KCNT2: variants seen among roughly 807,000 people sequenced by gnomAD.
KCNT2 encodes the protein potassium sodium-activated channel subfamily T member 2.
KCNT2 carries 67 observed loss-of-function variants against 153.8 expected under a neutral mutation model. That is an observed-to-expected ratio of 0.44 (90% confidence interval 0.36 to 0.53). The LOEUF (loss-of-function observed/expected upper bound fraction) is 0.53. Among genes scored for constraint, KCNT2 ranks in the 20% least tolerant of loss-of-function variants. The probability of loss-of-function intolerance (pLI) is 0.00; values close to 1 mark genes in which losing one functional copy is unlikely to be tolerated. For missense variants in KCNT2, 975 were observed against 1,354.8 expected (o/e 0.72, Z 4.40); for synonymous variants, 500 against 458.8 (o/e 1.09, Z -1.15).
chr1:196,607,444 A>G (rs1665441396), intron 1 of KCNT2, among the ~76,000 whole-genome samples: 1 of 152,252 alleles, frequency 6.6e-6, no homozygotes, highest in Non-Finnish European at 1.5e-5. Context: ...TGCTATAAAT[A>G]AAACACATGA....
At chr1:196,338,948 C>CAAAAAAAA (rs976388530) in intron 16 of KCNT2, among the ~76,000 whole-genome samples, 1 of 37,730 alleles carries the variant, frequency 2.7e-5, no homozygotes, top group Non-Finnish European at 5.6e-5. Context: ...TGCTTTTTAG[C>CAAAAAAAA]AAAAAAAAAA....
intron 1 of KCNT2, among the ~76,000 whole-genome samples, chr1:196,513,941 A>C: frequency 6.6e-6 from 1 of 152,230 alleles, no homozygotes; most frequent in Middle Eastern, 3.2e-3. Context: ...GCAAAGTAGA[A>C]GCCTCTACGC....
At chr1:196,563,055 T>C (rs568235344) in intron 1 of KCNT2, among the ~76,000 whole-genome samples, 3 of 152,038 alleles carry the variant, frequency 2.0e-5, no homozygotes, top group African/African-American at 7.2e-5. Flanking sequence ...CATGTAAGAA[T>C]AGTAATTACT....
intron 26 of KCNT2, 119 bp from the exon 27 acceptor site, chr1:196,236,189 C>A: frequency 1.5e-6 from 1 of 669,156 alleles, no homozygotes. Flanking sequence ...ATAGTTTTGT[C>A]CACAGCATGA....
chr1:196,446,674 C>A (rs1323664805), intron 8 of KCNT2, among the ~76,000 whole-genome samples: 3 of 151,492 alleles, frequency 2.0e-5, no homozygotes, highest in South Asian at 2.1e-4. Flanking sequence ...AGGAAGAGAG[C>A]CAGTTACCTA....
At chr1:196,348,603 T>C (rs578043199) in intron 14 of KCNT2, among the ~76,000 whole-genome samples, 2 of 152,276 alleles carry the variant, frequency 1.3e-5, no homozygotes, top group African/African-American at 4.8e-5. Context: ...TTCAAAATCA[T>C]TGCTAGCTAC....
At chr1:196,346,486 C>G (rs2148187550) in intron 14 of KCNT2, among the ~76,000 whole-genome samples, 1 of 152,216 alleles carries the variant, frequency 6.6e-6, no homozygotes, top group Non-Finnish European at 1.5e-5. Flanking sequence ...CATATAATTT[C>G]TAGCCTGTTA....
chr1:196,386,939 A>G (rs6413932), intron 13 of KCNT2, among the ~76,000 whole-genome samples: 150,067 of 152,066 alleles, frequency 0.99, 74,069 homozygotes, highest in Middle Eastern at 1. Flanking sequence ...TATATATTTC[A>G]CTAACAGTAA....
In KCNT2 at chr1:196,276,569, C is replaced by T. The variant is rs534192687; in HGVS notation, c.2910+4291G>A. ...TTGATCCTCTTTACTTCATTCTTGTCGCTGGTTTCCATAAAACGTCTGGTT... is the reference window on the plus strand; with the variant it reads ...TTGATCCTCTTTACTTCATTCTTGTTGCTGGTTTCCATAAAACGTCTGGTT... On this transcript the variant is annotated intron_variant, in intron 25 of 27. Transcript: ENST00000294725. Among the ~76,000 whole-genome samples, 49 of 151,936 alleles carry T rather than the reference C, an allele frequency of 3.2e-4. 1 individual carries two copies. The highest frequency in any genetic ancestry group is 6.8e-3 in the Middle Eastern group (2 of 294).
At chr1:196,431,505 C>T (rs533401556) in intron 8 of KCNT2, among the ~76,000 whole-genome samples, 7 of 152,160 alleles carry the variant, frequency 4.6e-5, no homozygotes, top group Non-Finnish European at 1.0e-4. Flanking sequence ...CGGTAACGGC[C>T]TTTCTGATGA....
At chr1:196,430,394 CTCTCTCTCTCTCTT>C (rs1297800839) in intron 8 of KCNT2, among the ~76,000 whole-genome samples, 14 of 148,944 alleles carry the variant, frequency 9.4e-5, no homozygotes, top group Admixed American at 2.0e-4. Context: ...CTCTCTCTCT[CTCTCTCTCTCTCTT>C]TCTCTCTCTC....
At chr1:196,302,369 C>T (rs1009145048) in intron 22 of KCNT2, among the ~76,000 whole-genome samples, 1 of 151,982 alleles carries the variant, frequency 6.6e-6, no homozygotes, top group African/African-American at 2.4e-5. Context: ...ATTCATGGAA[C>T]ATTATTTGAT....
In KCNT2 at chr1:196,531,967, A is replaced by G. The variant is rs143594917; in HGVS notation, c.96-39626T>C. Reference sequence around the variant, plus strand: ...GTCAGCTCTCTTACTCCCATTATCTATAGCTACCAAAACACACAAATTTGT... The same window carrying G: ...GTCAGCTCTCTTACTCCCATTATCTGTAGCTACCAAAACACACAAATTTGT... On this transcript the variant is annotated intron_variant, in intron 1 of 27. Coordinates refer to ENST00000294725, the MANE Select transcript of KCNT2 (RefSeq NM_198503.5). Among the ~76,000 whole-genome samples the G allele has an allele frequency of 3.0e-3, 463 of 152,172 alleles. 1 individual carries two copies. The highest frequency in any genetic ancestry group is 0.01 in the African/African-American group (423 of 41,536).
intron 8 of KCNT2, among the ~76,000 whole-genome samples, chr1:196,458,643 C>T (rs1460525052): frequency 6.6e-6 from 1 of 151,798 alleles, no homozygotes; most frequent in Non-Finnish European, 1.5e-5. Flanking sequence ...AAAATGTTAA[C>T]TATACATTTG....
intron 14 of KCNT2, among the ~76,000 whole-genome samples, chr1:196,359,150 A>T (rs1667416332): frequency 6.6e-6 from 1 of 151,988 alleles, no homozygotes; most frequent in South Asian, 2.1e-4. Flanking sequence ...AAGAGGTGTA[A>T]GTCATCGTTC....
At chr1:196,591,549 A>AT (rs1285906920) in intron 1 of KCNT2, among the ~76,000 whole-genome samples, 3 of 152,178 alleles carry the variant, frequency 2.0e-5, no homozygotes, top group Non-Finnish European at 2.9e-5. Context: ...ATTAATCAAC[A>AT]TACTACAGGG....
chr1:196,561,678 G>GAAAAAAA (rs1659427672), intron 1 of KCNT2, among the ~76,000 whole-genome samples: 1 of 45,474 alleles, frequency 2.2e-5, no homozygotes, highest in Non-Finnish European at 5.4e-5. Context: ...AAAAAAAAAA[G>GAAAAAAA]AAGAAGAAGA....
At chr1:196,564,379 T>C (rs1465371720) in intron 1 of KCNT2, among the ~76,000 whole-genome samples, 2 of 151,834 alleles carry the variant, frequency 1.3e-5, no homozygotes, top group East Asian at 3.9e-4. Context: ...AAATATTGCA[T>C]GTTCATGGAA....
intron 17 of KCNT2, among the ~76,000 whole-genome samples, 165 bp from the exon 18 acceptor site, chr1:196,331,426 C>A (rs1242491296): frequency 6.6e-6 from 1 of 151,812 alleles, no homozygotes; most frequent in East Asian, 1.9e-4. Context: ...AAACTGTGGC[C>A]CCAGGATCAA....
Sources: allele counts gnomAD v4.1 joint callset (sites outside exome capture counted in the v4.1 genomes callset), GRCh38; gene constraint gnomAD v4.1.1; transcripts MANE v1.5; gene names NCBI Gene and HGNC (gene_info 2026-07-23, HGNC 2026-07-21).